PLSCR4: variants seen among roughly 807,000 people sequenced by gnomAD.
PLSCR4 encodes the protein phospholipid scramblase 4.
A neutral mutation model predicts 36.3 loss-of-function variants in PLSCR4; 25 were observed. That is an observed-to-expected ratio of 0.69 (90% CI 0.50 to 0.96). The LOEUF is 0.96. PLSCR4 is among the 40% of genes least tolerant of loss of function. PLSCR4 has a pLI of 0.00. For synonymous variants in PLSCR4, 122 were observed against 132.9 expected, an observed-to-expected ratio of 0.92 and a Z score of 0.56; for missense variants, 408 against 414.7, an observed-to-expected ratio of 0.98 and a Z score of 0.14.
intron 3 of PLSCR4, among the ~76,000 whole-genome samples, chr3:146,207,894 TA>T (rs1385646791): frequency 6.6e-6 from 1 of 152,086 alleles, no homozygotes; most frequent in Non-Finnish European, 1.5e-5. Flanking sequence ...CCCATCAAAA[TA>T]CTATCACCGT....
intron 1 of PLSCR4, among the ~76,000 whole-genome samples, chr3:146,241,712 A>G (rs2036156681): frequency 6.6e-6 from 1 of 152,172 alleles, no homozygotes; most frequent in South Asian, 2.1e-4. Flanking sequence ...CATTAGAATA[A>G]CCATTATTTT....
chr3:146,222,925 C>A (rs2035239557), intron 1 of PLSCR4, among the ~76,000 whole-genome samples: 2 of 151,996 alleles, frequency 1.3e-5, no homozygotes, highest in South Asian at 4.1e-4. Context: ...GGTTTGGAAG[C>A]AGGGCCTCCA....
At chr3:146,202,501 T>C (rs1198740962) in intron 4 of PLSCR4, among the ~76,000 whole-genome samples, 1 of 152,096 alleles carries the variant, frequency 6.6e-6, no homozygotes, top group Non-Finnish European at 1.5e-5. Flanking sequence ...CTTCAGCTAG[T>C]CACAATCCTC....
intron 3 of PLSCR4, among the ~76,000 whole-genome samples, chr3:146,218,728 T>C (rs1193365137): frequency 3.3e-5 from 5 of 152,178 alleles, no homozygotes; most frequent in African/African-American, 1.2e-4. Context: ...AACTATAGCA[T>C]CTCAGACTTA....
intron 1 of PLSCR4, among the ~76,000 whole-genome samples, chr3:146,242,430 T>A (rs1322365514): frequency 6.6e-6 from 1 of 152,076 alleles, no homozygotes. Flanking sequence ...ACTGGGGTCA[T>A]GGGTGAGATT....
At chr3:146,213,745 T>G (rs2034750526) in intron 3 of PLSCR4, among the ~76,000 whole-genome samples, 1 of 152,186 alleles carries the variant, frequency 6.6e-6, no homozygotes, top group Admixed American at 6.5e-5. Flanking sequence ...TTGAGTCAAT[T>G]TCAATTGTTT....
At chr3:146,195,084 G>C in intron 8 of PLSCR4, 40 bp downstream of exon 8, 1 of 1,588,340 alleles carries the variant, frequency 6.3e-7, no homozygotes, top group Non-Finnish European at 8.6e-7. Flanking sequence ...CCATCAGAAA[G>C]AACAACTCTC....
intron 1 of PLSCR4, among the ~76,000 whole-genome samples, chr3:146,225,083 TA>T (rs1045661783): frequency 2.4e-4 from 33 of 136,598 alleles, no homozygotes; most frequent in African/African-American, 8.7e-4. Flanking sequence ...GAGATAGACA[TA>T]AAGGTTCTCC....
At chr3:146,233,034 C>T (rs1018185255) in intron 1 of PLSCR4, among the ~76,000 whole-genome samples, 1 of 152,200 alleles carries the variant, frequency 6.6e-6, no homozygotes, top group Middle Eastern at 3.4e-3. Flanking sequence ...AGTTTACATA[C>T]ATCAATTTCT....
chr3:146,196,308 G>A (rs1165780739), intron 7 of PLSCR4: 1 of 239,796 alleles, frequency 4.2e-6, no homozygotes, highest in Non-Finnish European at 8.2e-6. Flanking sequence ...TAGAAATCTA[G>A]GGAAAAAAAT....
chr3:146,227,254 C>T (rs1212285335), intron 1 of PLSCR4, among the ~76,000 whole-genome samples: 1 of 152,090 alleles, frequency 6.6e-6, no homozygotes, highest in Non-Finnish European at 1.5e-5. Flanking sequence ...CTGTTAATTG[C>T]AGAGGCCTTG....
chr3:146,212,459 T>TC (rs201318148), intron 3 of PLSCR4, among the ~76,000 whole-genome samples: 4,238 of 149,726 alleles, frequency 0.028, 214 homozygotes, highest in African/African-American at 0.098. Context: ...TTTTTGGGTT[T>TC]TTTTTTTTTT....
In PLSCR4 at chr3:146,194,385, CAT is replaced by C; in HGVS notation, c.*24_*25del. 1 of 1,556,902 alleles carries C rather than the reference CAT, an allele frequency of 6.4e-7. No homozygotes were observed. Among genetic ancestry groups the C allele is most frequent in the Non-Finnish European group, 8.9e-7 (1 of 1,129,256 alleles). ...AACTTTTCCATTTTTCAAAATTAAC[CAT>C]AGTTGATGGCTTGCTGTGTCTCTCT... is the stretch of plus-strand genomic sequence containing the variant. On this transcript the variant is annotated 3_prime_UTR_variant, in exon 9 of 9. Transcript: ENST00000354952.
intron 4 of PLSCR4, among the ~76,000 whole-genome samples, chr3:146,202,880 C>T (rs2108228204): frequency 6.6e-6 from 1 of 152,120 alleles, no homozygotes; most frequent in Non-Finnish European, 1.5e-5. Flanking sequence ...AGCAAGTGCT[C>T]ATCTGTTAAA....
chr3:146,248,415 C>G (rs1214184833), intron 1 of PLSCR4, among the ~76,000 whole-genome samples: 1 of 151,994 alleles, frequency 6.6e-6, no homozygotes, highest in Non-Finnish European at 1.5e-5. Context: ...TGTAAAACAT[C>G]ACTACTCACA....
chr3:146,209,244 T>TA (rs1212920269), intron 3 of PLSCR4, among the ~76,000 whole-genome samples: 2 of 151,902 alleles, frequency 1.3e-5, no homozygotes, highest in African/African-American at 4.8e-5. Flanking sequence ...TACAATGGAA[T>TA]GGACTTTGGG....
intron 3 of PLSCR4, among the ~76,000 whole-genome samples, chr3:146,209,705 A>G (rs2034524559): frequency 6.6e-6 from 1 of 152,098 alleles, no homozygotes; most frequent in African/African-American, 2.4e-5. Context: ...TAAAATTTAT[A>G]AATAACTGGG....
intron 1 of PLSCR4, among the ~76,000 whole-genome samples, chr3:146,241,009 T>C (rs1256010098): frequency 1.3e-5 from 2 of 152,090 alleles, no homozygotes; most frequent in Non-Finnish European, 2.9e-5. Context: ...CCATACAAAG[T>C]AATTTTGTAT....
At chr3:146,241,508 G>A (rs567184899) in intron 1 of PLSCR4, among the ~76,000 whole-genome samples, 16 of 152,054 alleles carry the variant, frequency 1.1e-4, no homozygotes, top group Non-Finnish European at 2.2e-4. Context: ...TAACAATGGA[G>A]CTTCAAAATA....
Sources: allele counts gnomAD v4.1 joint callset (sites outside exome capture counted in the v4.1 genomes callset), GRCh38; gene constraint gnomAD v4.1.1; transcripts MANE v1.5; gene names NCBI Gene and HGNC (gene_info 2026-07-23, HGNC 2026-07-21).